The following DYNC1I1 variants were observed in gnomAD, a reference collection of about 807,000 sequenced individuals.
DYNC1I1 encodes the protein dynein cytoplasmic 1 intermediate chain 1.
In DYNC1I1, 43 loss-of-function variants were observed where a neutral mutation model predicts 86.6. That is an observed-to-expected ratio of 0.50 (90% CI 0.39 to 0.64). The LOEUF is 0.64. Among genes scored for constraint, DYNC1I1 ranks in the 30% least tolerant of loss-of-function variants. The pLI, the probability that DYNC1I1 is intolerant of heterozygous loss-of-function variation, is 0.00. For synonymous variants in DYNC1I1, 262 were observed against 283.7 expected (o/e 0.92, Z 0.77); for missense variants, 604 against 788.8 (o/e 0.77, Z 2.81).
chr7:95,883,975 TA>T (rs1214112387), intron 6 of DYNC1I1, among the ~76,000 whole-genome samples: 1 of 152,190 alleles, frequency 6.6e-6, no homozygotes, highest in Non-Finnish European at 1.5e-5. Flanking sequence ...TTTAAAAGAA[TA>T]AATTGTTCAA....
intron 6 of DYNC1I1, among the ~76,000 whole-genome samples, chr7:95,928,096 A>G (rs1791793236): frequency 6.6e-6 from 1 of 152,224 alleles, no homozygotes; most frequent in Non-Finnish European, 1.5e-5. Context: ...AGGGCAAATA[A>G]AATGGAGAGT....
intron 4 of DYNC1I1, among the ~76,000 whole-genome samples, chr7:95,820,083 CT>C (rs971457697): frequency 6.6e-6 from 1 of 152,166 alleles, no homozygotes; most frequent in Non-Finnish European, 1.5e-5. Flanking sequence ...CGCTCTGGAG[CT>C]CCATATTAGG....
intron 4 of DYNC1I1, among the ~76,000 whole-genome samples, chr7:95,817,001 T>G (rs1208336808): frequency 1.3e-5 from 2 of 152,328 alleles, no homozygotes; most frequent in Middle Eastern, 6.8e-3. Context: ...GAACGGCTTT[T>G]GTTTAGTTGA....
At chr7:95,962,057 G>C (rs541155357) in intron 6 of DYNC1I1, among the ~76,000 whole-genome samples, 1 of 152,298 alleles carries the variant, frequency 6.6e-6, no homozygotes, top group South Asian at 2.1e-4. Context: ...TGAGAGTAGA[G>C]AGAAAATTCA....
At chr7:95,802,452 T>C (rs1346894507) in intron 1 of DYNC1I1, among the ~76,000 whole-genome samples, 1 of 152,192 alleles carries the variant, frequency 6.6e-6, no homozygotes, top group Non-Finnish European at 1.5e-5. Context: ...CAGCTTGCCT[T>C]ATTTCTAGTT....
At chr7:95,774,645 G>A (rs114679903) in intron 1 of DYNC1I1, among the ~76,000 whole-genome samples, 5 of 152,136 alleles carry the variant, frequency 3.3e-5, no homozygotes, top group African/African-American at 1.2e-4. Flanking sequence ...CTCAGAGAAG[G>A]CTCTAGGGTC....
At chr7:95,972,631 C>A (rs566907983) in intron 6 of DYNC1I1, among the ~76,000 whole-genome samples, 28 of 152,240 alleles carry the variant, frequency 1.8e-4, no homozygotes, top group Non-Finnish European at 3.8e-4. Context: ...CACTGCACTC[C>A]CCTTCAAATA....
chr7:96,100,682 G>GTGTGTGTGT (rs1554447113), downstream of DYNC1I1, among the ~76,000 whole-genome samples: 12 of 150,664 alleles, frequency 8.0e-5, no homozygotes, highest in East Asian at 2.0e-4. Context: ...GTGTGTGTGT[G>GTGTGTGTGT]GTAAGGAAGA....
intron 16 of DYNC1I1, among the ~76,000 whole-genome samples, chr7:96,081,914 TAA>T (rs76056611): frequency 0.41 from 61,587 of 151,306 alleles, 13,436 homozygotes; most frequent in African/African-American, 0.57. Context: ...TAATTCTAAG[TAA>T]AAAAAAAAAA....
chr7:95,871,444 A>G (rs938671197), intron 6 of DYNC1I1, among the ~76,000 whole-genome samples: 2 of 152,236 alleles, frequency 1.3e-5, no homozygotes, highest in Admixed American at 1.3e-4. Context: ...AGACAAGAAC[A>G]GGAAGATCGT....
At position 96,072,164 on chromosome 7, in the gene DYNC1I1, G is replaced by A. The variant is rs561968697; in HGVS notation, c.1510-3893G>A. On this transcript the variant is annotated intron_variant, in intron 14 of 16. Coordinates refer to ENST00000447467, the MANE Select transcript of DYNC1I1 (RefSeq NM_001135556.2). ...AACACCCAAAAATTTACCCTCCCTT[G>A]CCCTTCATGTCTGCCTGGGAGGTGA... Among the ~76,000 whole-genome samples the A allele has an allele frequency of 1.7e-4, 26 of 152,272 alleles. No individual in the cohort carries two copies. In the South Asian group the frequency reaches 5.4e-3, roughly 32 times the overall value.
At chr7:96,075,022 T>G (rs138672641) in intron 14 of DYNC1I1, among the ~76,000 whole-genome samples, 18 of 152,242 alleles carry the variant, frequency 1.2e-4, no homozygotes, top group Non-Finnish European at 2.6e-4. Context: ...CTCTAGGGCT[T>G]TCATTATCAT....
chr7:96,048,854 A>G (rs1789298831), intron 14 of DYNC1I1, among the ~76,000 whole-genome samples: 1 of 152,176 alleles, frequency 6.6e-6, no homozygotes, highest in Non-Finnish European at 1.5e-5. Context: ...CTAACCCTTT[A>G]TGTTGTCCTA....
At chr7:95,851,946 G>T (rs1789590705) in intron 5 of DYNC1I1, among the ~76,000 whole-genome samples, 1 of 152,192 alleles carries the variant, frequency 6.6e-6, no homozygotes, top group African/African-American at 2.4e-5. Context: ...TTACAGGTGT[G>T]AGCCACCATG....
intron 16 of DYNC1I1, 120 bp from the exon 17 acceptor site, chr7:96,097,363 A>G: frequency 2.7e-6 from 3 of 1,097,218 alleles, no homozygotes; most frequent in South Asian, 3.2e-5. Flanking sequence ...TTTCCTTTAC[A>G]TTCCAAGGGA....
intron 1 of DYNC1I1, among the ~76,000 whole-genome samples, chr7:95,779,273 A>G (rs187096780): frequency 1.4e-3 from 220 of 152,318 alleles, no homozygotes; most frequent in Non-Finnish European, 1.5e-3. Flanking sequence ...ACAAGATAGT[A>G]AAAAGCACAA....
intron 4 of DYNC1I1, among the ~76,000 whole-genome samples, chr7:95,826,768 G>A (rs745372352): frequency 1.4e-4 from 21 of 152,148 alleles, no homozygotes; most frequent in Non-Finnish European, 2.8e-4. Flanking sequence ...TCTTTGAGGA[G>A]GTAACATTTA....
chr7:96,017,383 G>T (rs1794429909), intron 10 of DYNC1I1, among the ~76,000 whole-genome samples: 1 of 152,100 alleles, frequency 6.6e-6, no homozygotes, highest in East Asian at 1.9e-4. Context: ...AGCAACTTGG[G>T]TTTTATATTT....
chr7:95,838,718 C>T (rs1162873145), intron 5 of DYNC1I1, among the ~76,000 whole-genome samples: 2 of 151,694 alleles, frequency 1.3e-5, no homozygotes, highest in African/African-American at 2.4e-5. Flanking sequence ...TTCATAAATG[C>T]TTCATAGTTC....
Sources: allele counts gnomAD v4.1 joint callset (sites outside exome capture counted in the v4.1 genomes callset), GRCh38; gene constraint gnomAD v4.1.1; transcripts MANE v1.5; gene names NCBI Gene and HGNC (gene_info 2026-07-23, HGNC 2026-07-21).